Variants in AGMO observed in about 807,000 individuals in gnomAD.
The protein encoded by AGMO is alkylglycerol monooxygenase.
In AGMO, 75 loss-of-function variants were observed where a neutral mutation model predicts 60.2. The observed-to-expected ratio is 1.25, with a 90% CI of 1.03 to 1.51. The LOEUF (loss-of-function observed/expected upper bound fraction) is 1.51. Ranked by LOEUF, AGMO falls within the 40% of genes most tolerant of loss-of-function variation. The pLI, the probability that AGMO is intolerant of heterozygous loss-of-function variation, is 0.00. For synonymous variants in AGMO, 261 were observed against 177.1 expected (o/e 1.47, Z -3.76); for missense variants, 763 against 525.5 (o/e 1.45, Z -4.42).
At chr7:15,128,567 T>A in the AGMO span, among the ~76,000 whole-genome samples, 1 of 152,066 alleles carries the variant, frequency 6.6e-6, no homozygotes, top group Admixed American at 6.6e-5. Flanking sequence ...TTCTTATTGT[T>A]TATAAATAAT....
chr7:15,432,379 T>TATATATATATATATATATATATACATAC (rs373845365), intron 3 of AGMO, among the ~76,000 whole-genome samples: 22 of 136,188 alleles, frequency 1.6e-4, no homozygotes, highest in African/African-American at 6.2e-4. Context: ...CATATATATA[T>TATATATATATATATATATATATACATAC]ACACTATCTG....
intron 3 of AGMO, among the ~76,000 whole-genome samples, chr7:15,531,286 C>T (rs1451180288): frequency 2.2e-5 from 2 of 91,478 alleles, no homozygotes; most frequent in Non-Finnish European, 3.8e-5. Flanking sequence ...TATACATATT[C>T]TCTAAAAATA....
intron 12 of AGMO, among the ~76,000 whole-genome samples, chr7:15,253,131 GAAAT>G (rs1164742055): frequency 6.6e-6 from 1 of 152,106 alleles, no homozygotes; most frequent in African/African-American, 2.4e-5. Flanking sequence ...TGAGATGAAA[GAAAT>G]AACGGCATAG....
intron 3 of AGMO, among the ~76,000 whole-genome samples, chr7:15,533,334 ATATT>A (rs750628151): frequency 1.3e-5 from 2 of 151,962 alleles, no homozygotes; most frequent in Non-Finnish European, 2.9e-5. Flanking sequence ...TTTTCTTATG[ATATT>A]TATTTAGTCA....
chr7:15,184,303 C>G, the AGMO span, among the ~76,000 whole-genome samples: 954 of 21,470 alleles, frequency 0.044, 76 homozygotes, highest in South Asian at 0.075. Context: ...GGGAGGCAGG[C>G]AGGGAGGGAG....
At chr7:15,154,361 A>C in the AGMO span, among the ~76,000 whole-genome samples, 1 of 152,176 alleles carries the variant, frequency 6.6e-6, no homozygotes, top group African/African-American at 2.4e-5. Context: ...AAACTCCAAA[A>C]TACTGCTGAA....
At chr7:15,201,978 GTCTTTGCACC>G (rs761968405) in intron 12 of AGMO, among the ~76,000 whole-genome samples, 191 of 152,206 alleles carry the variant, frequency 1.3e-3, no homozygotes, top group Non-Finnish European at 2.1e-3. Flanking sequence ...TCTGGTCATG[GTCTTTGCACC>G]ATCAGATTTC....
At chr7:15,427,087 T>G (rs926420714) in intron 4 of AGMO, among the ~76,000 whole-genome samples, 4 of 152,102 alleles carry the variant, frequency 2.6e-5, no homozygotes, top group South Asian at 2.1e-4. Context: ...AATGAAGAGT[T>G]TCTTTAGGAT....
intron 12 of AGMO, among the ~76,000 whole-genome samples, chr7:15,362,943 T>G (rs1782822394): frequency 6.6e-6 from 1 of 152,208 alleles, no homozygotes; most frequent in African/African-American, 2.4e-5. Flanking sequence ...CTTCCTGAGT[T>G]TGTTCCCTGA....
Position 15,390,755 on chromosome 7 carries a change from A to T in AGMO, c.743-5T>A. ...CATTTTCTGCTTCAAATGTCCCTGG[A>T]AGATAAATATAAAGATATGAGATTT... On this transcript the variant is annotated splice_polypyrimidine_tract_variant and splice_region_variant and intron_variant, in intron 7 of 12. Transcript: ENST00000342526. 6.2e-7 allele frequency: 1 copy of T among 1,605,658 alleles called. No homozygotes were observed. The highest frequency in any genetic ancestry group is 8.5e-7 in the Non-Finnish European group (1 of 1,173,232).
intron 12 of AGMO, among the ~76,000 whole-genome samples, chr7:15,317,949 ACAC>A (rs1196950590): frequency 1.4e-5 from 2 of 148,052 alleles, no homozygotes; most frequent in Non-Finnish European, 3.0e-5. Flanking sequence ...ATACACACAC[ACAC>A]ACTATATATA....
At chr7:15,244,399 T>G in intron 12 of AGMO, among the ~76,000 whole-genome samples, 1 of 152,166 alleles carries the variant, frequency 6.6e-6, no homozygotes, top group Non-Finnish European at 1.5e-5. Context: ...ATATCTTTTT[T>G]ATCTCACGTC....
chr7:15,528,799 C>T (rs4555981), intron 3 of AGMO, among the ~76,000 whole-genome samples: 114,743 of 151,936 alleles, frequency 0.76, 43,742 homozygotes, highest in East Asian at 0.97. Flanking sequence ...CAGGCATGCG[C>T]CACCACACCC....
At chr7:15,315,329 T>C (rs867593640) in intron 12 of AGMO, among the ~76,000 whole-genome samples, 52 of 43,436 alleles carry the variant, frequency 1.2e-3, no homozygotes, top group African/African-American at 5.0e-3. Flanking sequence ...GGATATTTGC[T>C]TTTTTTTTTT....
intron 10 of AGMO, among the ~76,000 whole-genome samples, chr7:15,378,186 T>C (rs971601893): frequency 6.6e-6 from 1 of 152,044 alleles, no homozygotes; most frequent in African/African-American, 2.4e-5. Flanking sequence ...ATTTCATGTT[T>C]CCCTGTGGCT....
intron 12 of AGMO, among the ~76,000 whole-genome samples, chr7:15,275,972 T>C (rs1038155652): frequency 2.0e-5 from 3 of 152,168 alleles, no homozygotes; most frequent in African/African-American, 4.8e-5. Flanking sequence ...GGGTCTTGTT[T>C]AGTCCAATTT....
At chr7:15,188,915 G>T in the AGMO span, among the ~76,000 whole-genome samples, 1 of 152,154 alleles carries the variant, frequency 6.6e-6, no homozygotes, top group Non-Finnish European at 1.5e-5. Flanking sequence ...AAAACCAGTT[G>T]TGTCCAAGAG....
At chr7:15,275,110 T>C (rs367999277) in intron 12 of AGMO, among the ~76,000 whole-genome samples, 2 of 152,136 alleles carry the variant, frequency 1.3e-5, no homozygotes, top group South Asian at 2.1e-4. Flanking sequence ...ATGTTATTGA[T>C]TTCACAGTTT....
chr7:15,502,273 C>T (rs1053082591), intron 3 of AGMO, among the ~76,000 whole-genome samples: 1 of 151,940 alleles, frequency 6.6e-6, no homozygotes, highest in African/African-American at 2.4e-5. Flanking sequence ...CCTTGCCCCT[C>T]CTCCTTCATT....
Sources: gnomAD v4.1 joint callset for allele counts (sites outside exome capture counted in the v4.1 genomes callset) on GRCh38, gnomAD v4.1.1 for gene constraint, MANE v1.5 for transcripts, NCBI Gene and HGNC (gene_info 2026-07-23, HGNC 2026-07-21) for gene names.